MAD1L1: variants seen among roughly 807,000 people sequenced by gnomAD.
MAD1L1 encodes mitotic arrest deficient 1 like 1.
A neutral mutation model predicts 96.9 loss-of-function variants in MAD1L1; 95 were observed. The observed-to-expected ratio is 0.98, with a 90% CI of 0.83 to 1.16. The LOEUF (loss-of-function observed/expected upper bound fraction) is 1.16. Ranked by LOEUF, MAD1L1 falls within the 50% of genes most tolerant of loss-of-function variation. The pLI is 0.00. For synonymous variants in MAD1L1, 473 were observed against 396.6 expected (o/e 1.19, Z -2.29); for missense variants, 1,007 against 954.4 (o/e 1.06, Z -0.73).
chr7:1,936,056 G>A (rs1380015754), intron 17 of MAD1L1, among the ~76,000 whole-genome samples: 1 of 152,242 alleles, frequency 6.6e-6, no homozygotes, highest in Non-Finnish European at 1.5e-5. Context: ...GGTGCAGACT[G>A]CACAGTGACT....
At chr7:1,824,897 G>A (rs987147527) in intron 18 of MAD1L1, among the ~76,000 whole-genome samples, 2 of 151,872 alleles carry the variant, frequency 1.3e-5, no homozygotes, top group Non-Finnish European at 2.9e-5. Context: ...AGCAGCGTCC[G>A]CCGAGAGTCA....
intron 18 of MAD1L1, among the ~76,000 whole-genome samples, chr7:1,884,760 C>G (rs1368994852): frequency 6.6e-6 from 1 of 152,186 alleles, no homozygotes; most frequent in African/African-American, 2.4e-5. Context: ...GGCCCCCAGC[C>G]CAGGCCTCCT....
At chr7:2,094,354 A>T (rs964257877) in intron 11 of MAD1L1, among the ~76,000 whole-genome samples, 12 of 152,202 alleles carry the variant, frequency 7.9e-5, no homozygotes, top group African/African-American at 2.9e-4. Flanking sequence ...TCGACAGAGG[A>T]TGCCCGAGCA....
At chr7:1,882,427 G>T (rs1431266463) in intron 18 of MAD1L1, among the ~76,000 whole-genome samples, 1 of 151,838 alleles carries the variant, frequency 6.6e-6, no homozygotes, top group African/African-American at 2.4e-5. Context: ...CGGGAGATGG[G>T]AAGGCTTCAG....
intron 18 of MAD1L1, among the ~76,000 whole-genome samples, chr7:1,854,662 T>G (rs1784154641): frequency 6.6e-6 from 1 of 152,064 alleles, no homozygotes; most frequent in Admixed American, 6.5e-5. Flanking sequence ...ACGTGGGAAC[T>G]GCGGGACACA....
intron 10 of MAD1L1, among the ~76,000 whole-genome samples, chr7:2,158,213 A>G (rs1206827223): frequency 6.6e-6 from 1 of 152,210 alleles, no homozygotes; most frequent in Non-Finnish European, 1.5e-5. Context: ...GGCTGTGGGG[A>G]GTCCGGCCTA....
At chr7:2,047,253 C>T (rs767002630) in intron 12 of MAD1L1, among the ~76,000 whole-genome samples, 2 of 152,174 alleles carry the variant, frequency 1.3e-5, no homozygotes, top group African/African-American at 2.4e-5. Context: ...TGCTCTGAGC[C>T]GCAGCTGCGT....
chr7:1,998,128 T>G (rs1400626315), intron 14 of MAD1L1, among the ~76,000 whole-genome samples: 2 of 152,188 alleles, frequency 1.3e-5, no homozygotes, highest in Admixed American at 6.5e-5. Context: ...AGCCCAGCGC[T>G]GCACCAAGCG....
chr7:1,817,800 G>A (rs137965232), intron 18 of MAD1L1, among the ~76,000 whole-genome samples: 2,300 of 152,116 alleles, frequency 0.015, 64 homozygotes, highest in African/African-American at 0.051. Context: ...GCCACAGGGC[G>A]GCCTGGCTCC....
rs369893686 is a variant in MAD1L1 at position 2,184,121 on chromosome 7, G to A, written c.986+29091C>T. Among the ~76,000 whole-genome samples the A allele has an allele frequency of 1.7e-3, 262 of 151,950 alleles. 2 individuals are homozygous for A. Among genetic ancestry groups the A allele is most frequent in the African/African-American group, 6.1e-3 (251 of 41,482 alleles). On this transcript the variant is annotated intron_variant, in intron 10 of 18. Transcript: ENST00000265854. ...CAAAAAATTAGCCAGGCGTGGTGGC[G>A]GGCGCCTGTAGTCCCAGCTACTCGG...
chr7:2,114,116 G>A lies in MAD1L1; in HGVS notation c.1073+35036C>T, dbSNP rs562371812. ...CACGGGCTCACAAGACGTTACCCTC[G>A]GGAAAGCTGGCGGAGGGTGCGTCGA... On this transcript the variant is annotated intron_variant, in intron 11 of 18. Transcript: ENST00000265854. The surrounding 1 kb of genome is among the most constrained non-coding windows in gnomAD (Gnocchi z 4.2). Among the ~76,000 whole-genome samples the A allele has an allele frequency of 3.3e-4, 50 of 152,308 alleles. No homozygotes were observed. Among genetic ancestry groups the A allele is most frequent in the Non-Finnish European group, 4.6e-4 (31 of 68,032 alleles).
chr7:2,044,614 C>T (rs564105055), intron 12 of MAD1L1, among the ~76,000 whole-genome samples: 2 of 152,206 alleles, frequency 1.3e-5, no homozygotes, highest in Non-Finnish European at 2.9e-5. Flanking sequence ...CCTGAGTACA[C>T]ATGAAGTCCC....
intron 18 of MAD1L1, among the ~76,000 whole-genome samples, chr7:1,885,767 A>T (rs913716320): frequency 3.9e-5 from 6 of 152,168 alleles, no homozygotes; most frequent in African/African-American, 1.4e-4. Context: ...CCCGGCGCCC[A>T]GAGCCTCTCC....
chr7:2,185,992 T>C (rs188780056), intron 10 of MAD1L1, among the ~76,000 whole-genome samples: 18 of 152,330 alleles, frequency 1.2e-4, no homozygotes, highest in Admixed American at 9.2e-4. Flanking sequence ...AGCACTGTCA[T>C]CTGAAACATC....
chr7:2,229,917 G>A, intron 3 of MAD1L1, 67 bp downstream of exon 3: 2 of 1,544,340 alleles, frequency 1.3e-6, no homozygotes, highest in Non-Finnish European at 8.8e-7. Flanking sequence ...ACAGAAGACT[G>A]GAAGAGGTCC....
At chr7:2,150,568 C>G (rs1364902886) in intron 10 of MAD1L1, among the ~76,000 whole-genome samples, 1 of 152,210 alleles carries the variant, frequency 6.6e-6, no homozygotes, top group East Asian at 1.9e-4. Flanking sequence ...TGGCCACCCC[C>G]ACGCCCCTCG....
chr7:1,928,848 G>T (rs1583817233), intron 17 of MAD1L1, among the ~76,000 whole-genome samples: 1 of 152,198 alleles, frequency 6.6e-6, no homozygotes, highest in East Asian at 1.9e-4. Context: ...CAGGCCAATG[G>T]GTAGCTCTCC....
In MAD1L1 at chr7:2,115,560, G is replaced by T. The variant is rs184538140; in HGVS notation, c.1073+33592C>A. On this transcript the variant is annotated intron_variant, in intron 11 of 18. Coordinates refer to ENST00000265854, the MANE Select transcript of MAD1L1 (RefSeq NM_001013836.2). ...GGGGTCAGAGGAGGCGCTGGACAGGGTCCCCGTGTGTTCCGGGATCAGAGG... is the reference window on the plus strand; with the variant it reads ...GGGGTCAGAGGAGGCGCTGGACAGGTTCCCCGTGTGTTCCGGGATCAGAGG... Among the ~76,000 whole-genome samples the T allele has an allele frequency of 1.5e-3, 234 of 151,042 alleles. 4 individuals carry two copies. The highest frequency in any genetic ancestry group is 0.014 in the Admixed American group (213 of 15,068).
intron 11 of MAD1L1, among the ~76,000 whole-genome samples, chr7:2,074,947 C>T (rs1372461432): frequency 6.6e-6 from 1 of 152,182 alleles, no homozygotes; most frequent in Non-Finnish European, 1.5e-5. Context: ...TCGTGGTCAG[C>T]CCAGTGGGCC....
Sources: allele counts gnomAD v4.1 joint callset (sites outside exome capture counted in the v4.1 genomes callset), GRCh38; gene constraint gnomAD v4.1.1; non-coding constraint Gnocchi (gnomAD v3.1); transcripts MANE v1.5; gene names NCBI Gene and HGNC (gene_info 2026-07-23, HGNC 2026-07-21).